The following CYFIP2 variants were observed in gnomAD, a reference collection of about 807,000 sequenced individuals.
CYFIP2 encodes cytoplasmic FMR1-interacting protein 2.
Under a neutral mutation model 158.7 loss-of-function variants are expected in CYFIP2, and 29 were observed. The ratio of observed to expected loss-of-function variants is 0.18; its 90% CI spans 0.14 to 0.25. The LOEUF is 0.25. Among genes scored for constraint, CYFIP2 ranks in the 10% least tolerant of loss-of-function variants. The pLI is 1.00. For missense variants in CYFIP2, 852 were observed against 1,639.5 expected (o/e 0.52, Z 8.29); for synonymous variants, 585 against 617.6 (o/e 0.95, Z 0.78).
chr5:157,342,672 G>T, intron 23 of CYFIP2: 1 of 551,938 alleles, frequency 1.8e-6, no homozygotes, highest in Non-Finnish European at 3.1e-6. Flanking sequence ...TTTGTGCCTT[G>T]GCATACCCTG....
intron 26 of CYFIP2, among the ~76,000 whole-genome samples, chr5:157,367,566 C>T (rs1223806399): frequency 6.6e-6 from 1 of 152,064 alleles, no homozygotes; most frequent in African/African-American, 2.4e-5. Flanking sequence ...TGAGCTTTGC[C>T]GATTGTTTTT....
At chr5:157,299,722 G>A (rs1220982069) in intron 5 of CYFIP2, among the ~76,000 whole-genome samples, 1 of 152,078 alleles carries the variant, frequency 6.6e-6, no homozygotes, top group Non-Finnish European at 1.5e-5. Context: ...CCAACATGGT[G>A]AAACCCAGTC....
At chr5:157,343,497 T>C in intron 23 of CYFIP2, 7 of 1,596,638 alleles carry the variant, frequency 4.4e-6, no homozygotes, top group Non-Finnish European at 6.0e-6. Context: ...CAGGAGATGA[T>C]GGCTCCTGTA....
At chr5:157,383,757 A>G (rs1313954215) in intron 28 of CYFIP2, among the ~76,000 whole-genome samples, 4 of 152,262 alleles carry the variant, frequency 2.6e-5, no homozygotes, top group Admixed American at 2.0e-4. Context: ...CTTATGTAAC[A>G]TTGTTTGTTA....
intron 26 of CYFIP2, among the ~76,000 whole-genome samples, chr5:157,370,176 G>A (rs1226693513): frequency 6.6e-6 from 1 of 152,128 alleles, no homozygotes; most frequent in Non-Finnish European, 1.5e-5. Context: ...ACCACACCTG[G>A]CCAGACCCAG....
At chr5:157,276,873 G>C (rs1756588052) in intron 1 of CYFIP2, among the ~76,000 whole-genome samples, 1 of 151,920 alleles carries the variant, frequency 6.6e-6, no homozygotes, top group Non-Finnish European at 1.5e-5. Flanking sequence ...TATAATATTA[G>C]TTTTCTCTCT....
chr5:157,300,159 G>C (rs1270038836), intron 5 of CYFIP2, among the ~76,000 whole-genome samples: 1 of 152,120 alleles, frequency 6.6e-6, no homozygotes, highest in Non-Finnish European at 1.5e-5. Flanking sequence ...AAATGAATAA[G>C]ACGTAATGCT....
chr5:157,334,324 A>T (rs773280434), intron 21 of CYFIP2, among the ~76,000 whole-genome samples: 7 of 152,218 alleles, frequency 4.6e-5, no homozygotes, highest in Non-Finnish European at 8.8e-5. Flanking sequence ...CTAGAAAAGG[A>T]TGGTGCTGAT....
intron 3 of CYFIP2, among the ~76,000 whole-genome samples, chr5:157,291,284 A>C (rs2113859594): frequency 6.6e-6 from 1 of 152,338 alleles, no homozygotes; most frequent in South Asian, 2.1e-4. Flanking sequence ...AAACTAAGAC[A>C]TTACAAGTTA....
At chr5:157,383,115 C>G in intron 27 of CYFIP2, 150 bp from the exon 28 acceptor site, 1 of 650,188 alleles carries the variant, frequency 1.5e-6, no homozygotes, top group African/African-American at 1.8e-5. Context: ...AAAAACTACT[C>G]ACACTTTCCA....
intron 28 of CYFIP2, among the ~76,000 whole-genome samples, chr5:157,385,250 T>C (rs918726106): frequency 6.6e-6 from 1 of 152,238 alleles, no homozygotes; most frequent in African/African-American, 2.4e-5. Context: ...TTGGGACTGA[T>C]AGAAATCTCA....
intron 28 of CYFIP2, among the ~76,000 whole-genome samples, chr5:157,385,562 A>G (rs1195657568): frequency 1.3e-5 from 2 of 152,100 alleles, no homozygotes; most frequent in Non-Finnish European, 2.9e-5. Flanking sequence ...GCCCCACACT[A>G]TCACCAAGAA....
intron 9 of CYFIP2, among the ~76,000 whole-genome samples, chr5:157,308,228 C>T (rs1229221709): frequency 6.6e-6 from 1 of 151,854 alleles, no homozygotes; most frequent in East Asian, 1.9e-4. Context: ...ACAGCACCTG[C>T]TCTAATTTCC....
chr5:157,332,807 GC>G (rs1761574252), intron 20 of CYFIP2, among the ~76,000 whole-genome samples: 1 of 152,044 alleles, frequency 6.6e-6, no homozygotes, highest in Admixed American at 6.5e-5. Context: ...ACCACACCTG[GC>G]TAATTTTTTT....
At chr5:157,303,828 C>G (rs1758986926) in intron 7 of CYFIP2, among the ~76,000 whole-genome samples, 1 of 151,852 alleles carries the variant, frequency 6.6e-6, no homozygotes, top group African/African-American at 2.4e-5. Context: ...CCCCCCTCCC[C>G]ACCGCCAGCT....
chr5:157,329,346 A>G (rs1356066675), intron 19 of CYFIP2, among the ~76,000 whole-genome samples: 4 of 152,214 alleles, frequency 2.6e-5, no homozygotes, highest in African/African-American at 7.2e-5. Context: ...TCCATCATCT[A>G]TATAAACAGA....
At chr5:157,385,877 T>G (rs1426851616) in intron 28 of CYFIP2, among the ~76,000 whole-genome samples, 1 of 151,810 alleles carries the variant, frequency 6.6e-6, no homozygotes, top group Non-Finnish European at 1.5e-5. Context: ...TAAACTCACA[T>G]AAGAAGGGCA....
intron 1 of CYFIP2, among the ~76,000 whole-genome samples, chr5:157,270,870 G>T (rs1756035317): frequency 6.6e-6 from 1 of 152,200 alleles, no homozygotes; most frequent in Admixed American, 6.5e-5. Flanking sequence ...AATCATTCAT[G>T]AAGTATTAAT....
intron 1 of CYFIP2, among the ~76,000 whole-genome samples, chr5:157,275,650 A>G (rs1157755973): frequency 6.6e-6 from 1 of 152,194 alleles, no homozygotes; most frequent in African/African-American, 2.4e-5. Context: ...TTGAATTTCC[A>G]TATGAATTTT....
Sources: allele counts gnomAD v4.1 joint callset (sites outside exome capture counted in the v4.1 genomes callset), GRCh38; gene constraint gnomAD v4.1.1; transcripts MANE v1.5; gene names NCBI Gene and HGNC (gene_info 2026-07-23, HGNC 2026-07-21).